TMEM150C: variants seen among roughly 807,000 people sequenced by gnomAD.
The protein encoded by TMEM150C is tentonin 3.
Under a neutral mutation model 29.9 loss-of-function variants are expected in TMEM150C, and 10 were observed. That is an observed-to-expected ratio of 0.33 (90% CI 0.21 to 0.57). The LOEUF (loss-of-function observed/expected upper bound fraction) is 0.57, where lower values mean the gene tolerates loss of function less well. TMEM150C is among the 20% of genes least tolerant of loss of function. The probability of loss-of-function intolerance (pLI) is 0.88; values close to 1 mark genes in which losing one functional copy is unlikely to be tolerated. For missense variants in TMEM150C, 251 were observed against 303.6 expected (o/e 0.83, Z 1.29); for synonymous variants, 101 against 112.5 (o/e 0.90, Z 0.64).
At chr4:82,538,797 A>T (rs1338851367) in intron 1 of TMEM150C, among the ~76,000 whole-genome samples, 1 of 152,214 alleles carries the variant, frequency 6.6e-6, no homozygotes, top group African/African-American at 2.4e-5. Context: ...GCAGTGGCTC[A>T]TGCCTGCAAT....
chr4:82,532,853 C>T (rs1020280895), intron 1 of TMEM150C, among the ~76,000 whole-genome samples: 2 of 152,008 alleles, frequency 1.3e-5, no homozygotes, highest in African/African-American at 2.4e-5. Flanking sequence ...CTCAGCCTCC[C>T]GAGTAGCTAG....
chr4:82,485,658 G>A lies in TMEM150C; in HGVS notation c.603C>T (p.Val201=). ...TGCCAAAATAAGACAGGAAGCACATGACCAGGCCCCACTGGACCCTGGCTG... is the reference window on the plus strand; with the variant it reads ...TGCCAAAATAAGACAGGAAGCACATAACCAGGCCCCACTGGACCCTGGCTG... ...MYAARVQWGL[V]MCFLSYFGTF... Residue 201 remains valine (V), a synonymous_variant, in exon 8 of 8, where the codon GTC becomes GTT. Transcript: ENST00000449862. 6.2e-7 allele frequency: 1 copy of A among 1,609,712 alleles called. No individual in the cohort carries two copies. Among genetic ancestry groups the A allele is most frequent in the Non-Finnish European group, 8.5e-7 (1 of 1,178,094 alleles).
chr4:82,518,371 C>G (rs1322927597), intron 1 of TMEM150C, among the ~76,000 whole-genome samples: 1 of 152,098 alleles, frequency 6.6e-6, no homozygotes, highest in Non-Finnish European at 1.5e-5. Flanking sequence ...GTGCCCTGGC[C>G]TCTGGCCAGT....
chr4:82,502,430 T>C (rs546530409), intron 5 of TMEM150C, among the ~76,000 whole-genome samples: 81 of 152,188 alleles, frequency 5.3e-4, no homozygotes, highest in Non-Finnish European at 1.1e-3. Context: ...TACATTCTCA[T>C]ACAGGATTTT....
intron 1 of TMEM150C, among the ~76,000 whole-genome samples, chr4:82,552,902 T>C (rs912002121): frequency 1.4e-4 from 22 of 152,026 alleles, no homozygotes; most frequent in African/African-American, 5.3e-4. Context: ...AAGAACCCAG[T>C]GGAAGGGTGC....
intron 1 of TMEM150C, among the ~76,000 whole-genome samples, chr4:82,558,524 G>A (rs181585537): frequency 1.3e-3 from 197 of 152,044 alleles, no homozygotes; most frequent in African/African-American, 4.1e-3. Context: ...AAGATTTCAC[G>A]ATTATCTCAA....
intron 1 of TMEM150C, among the ~76,000 whole-genome samples, chr4:82,514,035 T>C (rs1724214464): frequency 6.6e-6 from 1 of 152,198 alleles, no homozygotes; most frequent in South Asian, 2.1e-4. Context: ...CTGCAAAAGC[T>C]GAACAGCCAC....
intron 1 of TMEM150C, among the ~76,000 whole-genome samples, chr4:82,530,084 A>ATC (rs144911438): frequency 5.6e-4 from 83 of 147,222 alleles, no homozygotes; most frequent in South Asian, 2.4e-3. Flanking sequence ...CTCTCTTTCA[A>ATC]TCTCTCTCTC....
intron 6 of TMEM150C, chr4:82,494,964 T>A: frequency 1.6e-6 from 1 of 634,766 alleles, no homozygotes; most frequent in Non-Finnish European, 2.8e-6. Context: ...TTTAGCATAT[T>A]CTGCAGCCTC....
chr4:82,517,824 A>G (rs1312917125), intron 1 of TMEM150C, among the ~76,000 whole-genome samples: 1 of 152,156 alleles, frequency 6.6e-6, no homozygotes, highest in Non-Finnish European at 1.5e-5. Flanking sequence ...CTCCTCTTCT[A>G]TATCTCTATA....
chr4:82,540,269 C>T (rs1214272959), intron 1 of TMEM150C, among the ~76,000 whole-genome samples: 1 of 150,902 alleles, frequency 6.6e-6, no homozygotes, highest in Non-Finnish European at 1.5e-5. Flanking sequence ...TGCCACCATG[C>T]CCGGCTAATT....
intron 1 of TMEM150C, among the ~76,000 whole-genome samples, chr4:82,532,081 G>T (rs561868323): frequency 1.3e-5 from 2 of 152,292 alleles, no homozygotes; most frequent in East Asian, 3.9e-4. Flanking sequence ...ATCAAAGAAA[G>T]ATTTTGTTTT....
At chr4:82,509,209 C>T (rs929514119) in intron 1 of TMEM150C, among the ~76,000 whole-genome samples, 1 of 152,184 alleles carries the variant, frequency 6.6e-6, no homozygotes, top group African/African-American at 2.4e-5. Context: ...CACTTTGAGT[C>T]AGATGATGAA....
At chr4:82,539,435 G>C (rs564162317) in intron 1 of TMEM150C, among the ~76,000 whole-genome samples, 1 of 151,210 alleles carries the variant, frequency 6.6e-6, no homozygotes, top group African/African-American at 2.4e-5. Context: ...TAATGAATTG[G>C]ATAAAGGATA....
chr4:82,522,517 C>T (rs1042559050), intron 1 of TMEM150C, among the ~76,000 whole-genome samples: 12 of 152,154 alleles, frequency 7.9e-5, no homozygotes, highest in African/African-American at 2.9e-4. Flanking sequence ...AAAATTTGTA[C>T]TTCCCTGAGA....
chr4:82,556,347 A>G (rs1725737158), intron 1 of TMEM150C, among the ~76,000 whole-genome samples: 1 of 152,228 alleles, frequency 6.6e-6, no homozygotes, highest in African/African-American at 2.4e-5. Flanking sequence ...GGAGGAGCCA[A>G]AGTTTCATCA....
rs905428241 is a variant in TMEM150C at position 82,504,774 on chromosome 4, T to C, written c.-10-107A>G. On this transcript the variant is annotated intron_variant, in intron 1 of 7. Transcript: ENST00000449862. ...GGCCAAGCACGGTGGCTTACACCTG[T>C]AATCCCAGCACTTTGGGAGGCCGAG... The C allele has an allele frequency of 3.8e-6, 3 of 781,660 alleles. No homozygotes were observed. In the African/African-American group the frequency reaches 5.3e-5, roughly 14 times the overall value. The allele number at this position is 781,660 out of a possible 1,614,324, so 48.4% of individuals were successfully genotyped here. A position where few individuals can be genotyped will look rare whatever the true frequency, so the allele number is the denominator to read the frequency against.
At chr4:82,554,102 A>G (rs1395226435) in intron 1 of TMEM150C, among the ~76,000 whole-genome samples, 2 of 152,202 alleles carry the variant, frequency 1.3e-5, no homozygotes, top group African/African-American at 2.4e-5. Context: ...ATGTTTCAAA[A>G]TGCCATACTT....
At chr4:82,491,702 A>G (rs114154548) in intron 6 of TMEM150C, 11,997 of 434,010 alleles carry the variant, frequency 0.028, 1,118 homozygotes, top group African/African-American at 0.21. Flanking sequence ...GTGTCTCCCT[A>G]TGTTGCCCAG....
Sources: gnomAD v4.1 joint callset for allele counts (sites outside exome capture counted in the v4.1 genomes callset) on GRCh38, gnomAD v4.1.1 for gene constraint, MANE v1.5 for transcripts, NCBI Gene and HGNC (gene_info 2026-07-23, HGNC 2026-07-21) for gene names.